The following DISC1 variants were observed in gnomAD, a reference collection of about 807,000 sequenced individuals.
DISC1 encodes the protein DISC1 scaffold protein.
DISC1 carries 57 observed loss-of-function variants against 84.5 expected under a neutral mutation model. The ratio of observed to expected loss-of-function variants is 0.67; its 90% CI spans 0.55 to 0.84. The LOEUF is 0.84. DISC1 is among the 40% of genes least tolerant of loss of function. DISC1 has a pLI of 0.00. For missense variants in DISC1, 1,000 were observed against 1,057.8 expected (o/e 0.95, Z 0.76); for synonymous variants, 411 against 415.2 (o/e 0.99, Z 0.12).
intron 11 of DISC1, among the ~76,000 whole-genome samples, chr1:232,025,637 C>T (rs1415341594): frequency 1.3e-5 from 2 of 150,746 alleles, no homozygotes; most frequent in Non-Finnish European, 3.0e-5. Context: ...CGCTCTGTCG[C>T]CCAGGCTGGA....
chr1:231,988,002 A>G (rs967619900), intron 10 of DISC1, among the ~76,000 whole-genome samples: 5 of 152,128 alleles, frequency 3.3e-5, no homozygotes, highest in Non-Finnish European at 1.5e-5. Flanking sequence ...CCTGACCAAT[A>G]TGGTGAAACC....
chr1:231,728,299 G>A (rs2071022637), intron 3 of DISC1, among the ~76,000 whole-genome samples: 1 of 152,186 alleles, frequency 6.6e-6, no homozygotes, highest in South Asian at 2.1e-4. Flanking sequence ...TCTTGTTAAA[G>A]TGAGACTGTC....
intron 3 of DISC1, chr1:231,724,146 T>C: frequency 1.8e-6 from 1 of 563,056 alleles, no homozygotes; most frequent in Non-Finnish European, 2.3e-6. Flanking sequence ...TCATTTGGCT[T>C]TGCATGCTCA....
At chr1:231,886,161 C>T (rs893503923) in intron 9 of DISC1, among the ~76,000 whole-genome samples, 10 of 152,188 alleles carry the variant, frequency 6.6e-5, no homozygotes, top group African/African-American at 2.4e-4. Context: ...CAAACACCTC[C>T]CATTAGGCCC....
intron 9 of DISC1, among the ~76,000 whole-genome samples, chr1:231,948,428 G>A (rs944862775): frequency 3.9e-4 from 60 of 152,096 alleles, no homozygotes; most frequent in African/African-American, 1.4e-3. Flanking sequence ...ACATAGGGAG[G>A]GGAACATCAC....
At chr1:231,628,039 G>T (rs1349057599) in intron 1 of DISC1, among the ~76,000 whole-genome samples, 2 of 152,140 alleles carry the variant, frequency 1.3e-5, no homozygotes, top group Non-Finnish European at 2.9e-5. Context: ...GAAATACCCA[G>T]TGCACTCTCA....
chr1:231,832,762 C>T (rs559071055), intron 9 of DISC1, among the ~76,000 whole-genome samples: 2 of 145,904 alleles, frequency 1.4e-5, no homozygotes, highest in East Asian at 4.2e-4. Context: ...TTTGGCACCA[C>T]AGGGTGGATA....
intron 1 of DISC1, among the ~76,000 whole-genome samples, chr1:231,637,650 C>T (rs531873585): frequency 6.6e-6 from 1 of 151,782 alleles, no homozygotes; most frequent in African/African-American, 2.4e-5. Flanking sequence ...CCAGTTCCAT[C>T]GATGTTGTTG....
chr1:231,668,718 A>G (rs1350578159), intron 1 of DISC1, among the ~76,000 whole-genome samples: 1 of 152,206 alleles, frequency 6.6e-6, no homozygotes, highest in Non-Finnish European at 1.5e-5. Context: ...AGTGATTTTC[A>G]TATCCCAGTG....
chr1:231,787,191 T>A (rs2077945187), intron 6 of DISC1, among the ~76,000 whole-genome samples: 2 of 152,188 alleles, frequency 1.3e-5, no homozygotes, highest in Admixed American at 6.5e-5. Context: ...GGGCATGGGA[T>A]TCTCTAACCA....
intron 1 of DISC1, among the ~76,000 whole-genome samples, chr1:231,643,926 T>C: frequency 6.6e-6 from 1 of 152,172 alleles, no homozygotes; most frequent in East Asian, 1.9e-4. Flanking sequence ...GCCACCTTTT[T>C]CTAATTTACC....
intron 1 of DISC1, among the ~76,000 whole-genome samples, chr1:231,629,796 C>CT (rs1402369340): frequency 1.3e-5 from 2 of 152,206 alleles, no homozygotes; most frequent in East Asian, 3.9e-4. Flanking sequence ...AAAACTTTTT[C>CT]TTTTTTTAAA....
chr1:231,869,817 TG>T (rs2085328913), intron 9 of DISC1, among the ~76,000 whole-genome samples: 1 of 152,128 alleles, frequency 6.6e-6, no homozygotes, highest in African/African-American at 2.4e-5. Context: ...AGAGTCTCTT[TG>T]TGATGATCTT....
intron 9 of DISC1, among the ~76,000 whole-genome samples, chr1:231,949,070 A>G (rs995297857): frequency 7.9e-5 from 12 of 152,066 alleles, no homozygotes; most frequent in Admixed American, 6.5e-5. Context: ...GGGTTTCACC[A>G]TGTTAGCCAT....
chr1:231,631,227 A>G (rs1329097328), intron 1 of DISC1, among the ~76,000 whole-genome samples: 1 of 152,244 alleles, frequency 6.6e-6, no homozygotes, highest in Non-Finnish European at 1.5e-5. Flanking sequence ...CTATGTATGC[A>G]GAGACATAGT....
chr1:231,789,226 GC>G (rs2078127170), intron 6 of DISC1, among the ~76,000 whole-genome samples: 1 of 152,148 alleles, frequency 6.6e-6, no homozygotes, highest in African/African-American at 2.4e-5. Flanking sequence ...GAGGGGGTTG[GC>G]CCATTATGTG....
At chr1:231,687,768 G>T (rs1317906646) in intron 1 of DISC1, among the ~76,000 whole-genome samples, 1 of 152,134 alleles carries the variant, frequency 6.6e-6, no homozygotes, top group Non-Finnish European at 1.5e-5. Flanking sequence ...TGGTTACCAG[G>T]GACTGGGGCA....
chr1:231,943,670 C>T (rs1197178035), intron 9 of DISC1: 1 of 151,618 alleles, frequency 6.6e-6, no homozygotes, highest in East Asian at 1.9e-4. Flanking sequence ...TCATAAAATA[C>T]TGAAAATGAA....
At chr1:231,659,197 G>T (rs2061382664) in intron 1 of DISC1, among the ~76,000 whole-genome samples, 1 of 152,002 alleles carries the variant, frequency 6.6e-6, no homozygotes, top group South Asian at 2.1e-4. Flanking sequence ...TTTCTTCCTG[G>T]TTCAGTCTTG....
Sources: allele counts gnomAD v4.1 joint callset (sites outside exome capture counted in the v4.1 genomes callset), GRCh38; gene constraint gnomAD v4.1.1; transcripts MANE v1.5; gene names NCBI Gene and HGNC (gene_info 2026-07-23, HGNC 2026-07-21).